The following ANLN variants were observed in gnomAD, a reference collection of about 807,000 sequenced individuals.
ANLN encodes anillin, actin binding protein, also known as anillin.
ANLN carries 59 observed loss-of-function variants against 135.1 expected under a neutral mutation model. The ratio of observed to expected loss-of-function variants is 0.44; its 90% CI spans 0.35 to 0.54. ANLN has a LOEUF of 0.54. ANLN is among the 20% of genes least tolerant of loss of function. The probability of loss-of-function intolerance (pLI) is 0.00; values close to 1 mark genes in which losing one functional copy is unlikely to be tolerated. For synonymous variants in ANLN, 406 were observed against 456.4 expected (o/e 0.89, Z 1.41); for missense variants, 1,182 against 1,340.0 (o/e 0.88, Z 1.84).
intron 22 of ANLN, among the ~76,000 whole-genome samples, chr7:36,444,273 G>A (rs943685764): frequency 6.8e-6 from 1 of 147,634 alleles, no homozygotes; most frequent in African/African-American, 2.5e-5. Context: ...CTGAGCGACA[G>A]AGCAAGACTC....
At chr7:36,410,442 G>A (rs1281719088) in intron 5 of ANLN, 72 bp from the exon 6 acceptor site, 1 of 1,344,336 alleles carries the variant, frequency 7.4e-7, no homozygotes, top group African/African-American at 1.5e-5. Context: ...ATGTAGTTTA[G>A]AACTTTTTCC....
At chr7:36,430,229 G>A (rs3801308) in intron 20 of ANLN, among the ~76,000 whole-genome samples, 6,041 of 152,196 alleles carry the variant, frequency 0.04, 168 homozygotes, top group African/African-American at 0.069. Flanking sequence ...TCAGTACAAC[G>A]CAGTCTTGGT....
At chr7:36,394,444 G>A (rs973073012) in intron 1 of ANLN, among the ~76,000 whole-genome samples, 2 of 152,082 alleles carry the variant, frequency 1.3e-5, no homozygotes, top group Non-Finnish European at 2.9e-5. Context: ...ATCATGGGGG[G>A]AAATTATCGG....
At chr7:36,425,108 C>T (rs368893515) in intron 17 of ANLN, among the ~76,000 whole-genome samples, 18 of 152,156 alleles carry the variant, frequency 1.2e-4, no homozygotes, top group Admixed American at 8.5e-4. Flanking sequence ...GGTTGCTTTC[C>T]AGCCTTCCCA....
Position 36,420,147 on chromosome 7 carries a change from T to C in ANLN, c.1870-22T>C, listed in dbSNP as rs1274766819. The C allele has an allele frequency of 2.5e-6, 4 of 1,607,718 alleles. No individual in the cohort carries two copies. In the African/African-American group the frequency reaches 5.4e-5, roughly 22 times the overall value. ...AATTATCATTTAGGATCAATGTTAA[T>C]ATCTGATGCGTTTTCCCACAGAGTT... On this transcript the variant is annotated intron_variant, in intron 10 of 23. Coordinates refer to ENST00000265748, the MANE Select transcript of ANLN (RefSeq NM_018685.5).
intron 7 of ANLN, among the ~76,000 whole-genome samples, chr7:36,414,537 T>A (rs974109456): frequency 6.6e-6 from 1 of 151,998 alleles, no homozygotes; most frequent in Non-Finnish European, 1.5e-5. Context: ...GTTTTATTCA[T>A]CCTTAGGAAA....
intron 4 of ANLN, among the ~76,000 whole-genome samples, chr7:36,406,945 A>T (rs1787216769): frequency 6.6e-6 from 1 of 152,236 alleles, no homozygotes; most frequent in Non-Finnish European, 1.5e-5. Flanking sequence ...AAGATATATA[A>T]CAAAATAGTA....
intron 7 of ANLN, among the ~76,000 whole-genome samples, chr7:36,412,932 C>T (rs972460926): frequency 6.6e-6 from 1 of 152,040 alleles, no homozygotes; most frequent in Non-Finnish European, 1.5e-5. Context: ...TTAATCCCCT[C>T]TAGGAATTCT....
rs73102277 is a variant in ANLN at position 36,396,612 on chromosome 7, C to T, written c.172+193C>T. Among the ~76,000 whole-genome samples, 5,447 of 152,104 alleles carry T rather than the reference C, an allele frequency of 0.036. 128 individuals are homozygous for T. The highest frequency in any genetic ancestry group is 0.075 in the Middle Eastern group (22 of 294). On this transcript the variant is annotated intron_variant, in intron 2 of 23. Coordinates refer to ENST00000265748, the MANE Select transcript of ANLN (RefSeq NM_018685.5). ...AGGCCTAGAACCTATAGGGTTGGAA[C>T]GGTTTCTTCTAAAAAATATTTTAAA...
intron 22 of ANLN, among the ~76,000 whole-genome samples, chr7:36,448,069 C>T (rs532206920): frequency 1.3e-5 from 2 of 152,134 alleles, no homozygotes; most frequent in East Asian, 3.9e-4. Context: ...GGCTGGAGTG[C>T]AGTGGCACGA....
At chr7:36,437,019 G>A (rs935864091) in intron 20 of ANLN, among the ~76,000 whole-genome samples, 2 of 151,980 alleles carry the variant, frequency 1.3e-5, no homozygotes, top group African/African-American at 2.4e-5. Flanking sequence ...TTTATCTTTT[G>A]AAGAAATTTT....
intron 21 of ANLN, among the ~76,000 whole-genome samples, chr7:36,442,285 GAAGTA>G (rs1469808642): frequency 6.6e-6 from 1 of 152,212 alleles, no homozygotes; most frequent in African/African-American, 2.4e-5. Context: ...AACAATCAGA[GAAGTA>G]AAGTTGGAAT....
intron 9 of ANLN, among the ~76,000 whole-genome samples, chr7:36,418,754 CTT>C (rs71553066): frequency 2.8e-5 from 4 of 143,788 alleles, no homozygotes; most frequent in South Asian, 2.2e-4. Flanking sequence ...TTTCTTTTTT[CTT>C]TTTTTTTTTT....
chr7:36,420,503 C>A, intron 11 of ANLN, 94 bp from the exon 12 acceptor site: 1 of 1,267,298 alleles, frequency 7.9e-7, no homozygotes, highest in Non-Finnish European at 1.1e-6. Context: ...CTGACATGTT[C>A]AATATCAGTG....
intron 22 of ANLN, among the ~76,000 whole-genome samples, chr7:36,447,439 T>TTG (rs1389018638): frequency 6.7e-6 from 1 of 149,984 alleles, no homozygotes; most frequent in African/African-American, 2.5e-5. Context: ...TTTTTTTTTT[T>TTG]TCTGAGACGG....
Position 36,438,728 on chromosome 7 carries a change from T to C in ANLN, c.2884-476T>C, listed in dbSNP as rs574656406. 5.9e-5 allele frequency among the ~76,000 whole-genome samples: 9 copies of C among 152,336 alleles called. No homozygotes were observed. In the South Asian group the frequency reaches 1.9e-3, roughly 32 times the overall value. On this transcript the variant is annotated intron_variant, in intron 20 of 23. Coordinates refer to ENST00000265748, the MANE Select transcript of ANLN (RefSeq NM_018685.5). ...CGTTACGTTTTGAAATTGGGAAATA[T>C]GATTCCTTCAACTTTGTTCTTAATT...
At chr7:36,431,566 TGTGTG>T in intron 20 of ANLN, among the ~76,000 whole-genome samples, 1 of 11,184 alleles carries the variant, frequency 8.9e-5, no homozygotes, top group Non-Finnish European at 3.2e-4. Context: ...TGTGTTTGTG[TGTGTG>T]TGTGTGTGTG....
rs1789317748 is a variant in ANLN, at chr7:36,453,216, A to G, written c.*616A>G. 1 of 152,264 alleles carries G rather than the reference A, an allele frequency of 6.6e-6. No homozygotes were observed. The highest frequency in any genetic ancestry group is 1.5e-5 in the Non-Finnish European group (1 of 68,062). The allele number at this position is 152,264 out of a possible 1,614,324, so 9.4% of individuals were successfully genotyped here. A position where few individuals can be genotyped will look rare whatever the true frequency, so the allele number is the denominator to read the frequency against. ...CTTGGGGGTTCAATATTTTATATAG[A>G]AGAGTTAATAAGCACATGGTTTACA... On this transcript the variant is annotated 3_prime_UTR_variant, in exon 24 of 24. Coordinates refer to ENST00000265748, the MANE Select transcript of ANLN (RefSeq NM_018685.5).
intron 20 of ANLN, 45 bp from the exon 21 acceptor site, chr7:36,439,159 C>A: frequency 9.4e-7 from 1 of 1,069,456 alleles, no homozygotes; most frequent in Non-Finnish European, 1.4e-6. Context: ...AGAAAAATCA[C>A]ACTTTGAACC....
Sources: gnomAD v4.1 joint callset for allele counts (sites outside exome capture counted in the v4.1 genomes callset) on GRCh38, gnomAD v4.1.1 for gene constraint, MANE v1.5 for transcripts, NCBI Gene and HGNC (gene_info 2026-07-23, HGNC 2026-07-21) for gene names.